The following FEZF1 variants were observed in gnomAD, a reference collection of about 807,000 sequenced individuals.
FEZF1 encodes the protein fez family zinc finger protein 1.
A neutral mutation model predicts 32.4 loss-of-function variants in FEZF1; 8 were observed. The ratio of observed to expected loss-of-function variants is 0.25; its 90% CI spans 0.15 to 0.45. The LOEUF is 0.45. FEZF1 is among the 20% of genes least tolerant of loss of function. The probability of loss-of-function intolerance (pLI) is 1.00; values close to 1 mark genes in which losing one functional copy is unlikely to be tolerated. For synonymous variants in FEZF1, 259 were observed against 265.2 expected (o/e 0.98, Z 0.23); for missense variants, 546 against 622.3 (o/e 0.88, Z 1.31).
At chr7:122,307,314 C>T (rs1052036343), upstream of FEZF1, 3 of 152,478 alleles carry the variant, frequency 2.0e-5, no homozygotes, top group African/African-American at 7.2e-5. Context: ...GAAAAATCCC[C>T]CTCCTGCTGC....
rs1388288290 is a variant in FEZF1 at position 122,302,493 on chromosome 7, G to A, written c.1070-138C>T. The A allele has an allele frequency of 7.6e-7, 1 of 1,323,258 alleles. No homozygotes were observed. Among genetic ancestry groups the A allele is most frequent in the African/African-American group, 1.5e-5 (1 of 66,928 alleles). 82.0% of individuals were successfully genotyped at this position (1,323,258 alleles called of 1,614,324 possible). ...CACAACAAGTGCAGGGCTACTATCTGTGCCTGCACTTGTCTCCCCAAGTTT... is the reference window on the plus strand; with the variant it reads ...CACAACAAGTGCAGGGCTACTATCTATGCCTGCACTTGTCTCCCCAAGTTT... On this transcript the variant is annotated intron_variant, in intron 3 of 3. Coordinates refer to ENST00000442488, the MANE Select transcript of FEZF1 (RefSeq NM_001024613.4). The surrounding 1 kb of genome is among the most constrained non-coding windows in gnomAD (Gnocchi z 4.4).
At chr7:122,303,428 C>A (rs1038735856) in intron 1 of FEZF1, 117 bp from the exon 2 acceptor site, 7 of 1,243,928 alleles carry the variant, frequency 5.6e-6, no homozygotes, top group Middle Eastern at 2.8e-4. Flanking sequence ...AAATAATTAC[C>A]CCCAAAATAC....
At position 122,302,135 on chromosome 7, in the gene FEZF1, G is replaced by A. The variant is rs759076501; in HGVS notation, c.1290C>T (p.Ala430=). ...TGCCTGGTTCGCCAGCTGGCGTGCG[G>A]GCCAGCCCCAGGCTGCTGTCGTGCA... ...RKLHDSSLGL[A]RTPAGEPGTE... is the part of the protein sequence containing the mutation. The change falls in exon 4 of 4, where the codon GCC becomes GCT. Residue 430 remains alanine (A), a synonymous_variant. Transcript: ENST00000442488. The surrounding 1 kb of genome is among the most constrained non-coding windows in gnomAD (Gnocchi z 4.4). The A allele has an allele frequency of 1.2e-6, 2 of 1,613,986 alleles. No homozygotes were observed. Among genetic ancestry groups the A allele is most frequent in the African/African-American group, 1.3e-5 (1 of 74,932 alleles).
Position 122,302,061 on chromosome 7 carries a change from G to C in FEZF1, c.1364C>G (p.Pro455Arg), listed in dbSNP as rs763337621. ...LPQQPPMTLP[P>R]LQPPLPTPGP... ...CGGGGTTGGCAGCGGCGGCTGCAGA[G>C]GAGGCAGCGTCATCGGCGGCTGCTG... The change falls in exon 4 of 4, where the codon CCT becomes CGT. Residue 455 changes from proline to arginine, a missense_variant. Transcript: ENST00000442488. This position sits in a 1 kb window ranked among gnomAD's most constrained non-coding sequence, Gnocchi z 4.4. 1.2e-6 allele frequency: 2 copies of C among 1,606,646 alleles called. No homozygotes were observed. Among genetic ancestry groups the C allele is most frequent in the Admixed American group, 3.3e-5 (2 of 59,864 alleles).
In FEZF1 at chr7:122,304,102, AGCCGAGGGCACC is replaced by A; in HGVS notation, c.324_335del (p.Val109_Ala112del). 1 of 1,580,158 alleles carries A rather than the reference AGCCGAGGGCACC, an allele frequency of 6.3e-7. No individual in the cohort carries two copies. The highest frequency in any genetic ancestry group is 8.6e-7 in the Non-Finnish European group (1 of 1,163,082). ...GCAGGTCGCTGCAGCTGAATGCGGG[AGCCGAGGGCACC>A]GCCGCGGGCGCCGCCGGGGCCTCCA... On this transcript the variant is annotated inframe_deletion, in exon 1 of 4. Transcript: ENST00000442488.
chr7:122,308,289 C>G (rs2031338722), upstream of FEZF1, among the ~76,000 whole-genome samples: 1 of 152,106 alleles, frequency 6.6e-6, no homozygotes, highest in Non-Finnish European at 1.5e-5. Flanking sequence ...ATGAAATATC[C>G]TGAGGAAACC....
upstream of FEZF1, among the ~76,000 whole-genome samples, chr7:122,307,752 C>T (rs1019604125): frequency 6.6e-6 from 1 of 152,206 alleles, no homozygotes; most frequent in Non-Finnish European, 1.5e-5. Flanking sequence ...CAATTATGCT[C>T]TTCCTTTAAG....
chr7:122,305,924 T>A (rs909301193), upstream of FEZF1: 2 of 152,268 alleles, frequency 1.3e-5, no homozygotes, highest in African/African-American at 4.8e-5. Flanking sequence ...CCGAAACTCC[T>A]GGGGCGGCGC....
Position 122,304,514 on chromosome 7 carries a change from G to T in FEZF1, c.-77C>A. The T allele has an allele frequency of 7.8e-7, 1 of 1,279,382 alleles. No homozygotes were observed. Among genetic ancestry groups the T allele is most frequent in the Non-Finnish European group, 1.1e-6 (1 of 942,572 alleles). The allele number at this position is 1,279,382 out of a possible 1,614,324, so 79.3% of individuals were successfully genotyped here. ...CTTGTTCCCTGCTTGTCACAGACCT[G>T]CGGAGAGGGGGACGGGCACCATCAC... On this transcript the variant is annotated 5_prime_UTR_variant, in exon 1 of 4. Coordinates refer to ENST00000442488, the MANE Select transcript of FEZF1 (RefSeq NM_001024613.4).
chr7:122,304,368 T>G lies in FEZF1; in HGVS notation c.70A>C (p.Ser24Arg). Reference protein sequence around the residue: ...ATAPARGNMMSTSKPLAFSIE... With the variant: ...ATAPARGNMMRTSKPLAFSIE... ...GAGAAAGCCAAGGGTTTGGACGTGC[T>G]CATCATGTTGCCCCGAGCTGGAGCA... Residue 24 changes from serine to arginine, a missense_variant, in exon 1 of 4, where the codon AGC becomes CGC. Transcript: ENST00000442488. The G allele has an allele frequency of 5.6e-6, 9 of 1,604,652 alleles. No homozygotes were observed. Among genetic ancestry groups the G allele is most frequent in the Non-Finnish European group, 7.7e-6 (9 of 1,173,426 alleles).
At chr7:122,303,024 T>C (rs2031101487) in intron 2 of FEZF1, 93 bp from the exon 3 acceptor site, 2 of 1,531,238 alleles carry the variant, frequency 1.3e-6, no homozygotes, top group South Asian at 1.3e-5. Context: ...TTAAACACTT[T>C]CAAGCAGAAC....
At chr7:122,309,925 A>G (rs2031379149) in intron 1 of FEZF1, 1 of 152,220 alleles carries the variant, frequency 6.6e-6, no homozygotes, top group Non-Finnish European at 1.5e-5. Context: ...TGTGGCCAAA[A>G]TTAGAAACAA....
chr7:122,303,252 G>A lies in FEZF1; in HGVS notation c.861C>T (p.Pro287=). ...CTTTTCCGCACACTTTGCAAACGAA[G>A]GGTCTGGCTCCTGTGTGCACTGGCA... ...RHMPVHTGAR[P]FVCKVCGKGF... Residue 287 remains proline, a synonymous_variant, in exon 2 of 4, where the codon CCC becomes CCT. Transcript: ENST00000442488. 6.2e-7 allele frequency: 1 copy of A among 1,614,170 alleles called. No individual in the cohort carries two copies. Among genetic ancestry groups the A allele is most frequent in the South Asian group, 1.1e-5 (1 of 91,084 alleles).
intron 2 of FEZF1, 70 bp downstream of exon 2, chr7:122,303,107 G>T: frequency 6.2e-7 from 1 of 1,603,436 alleles, no homozygotes; most frequent in Non-Finnish European, 8.5e-7. Flanking sequence ...TAAAGAGTAA[G>T]GTTTTATCGG....
chr7:122,307,833 A>T (rs1013107015), upstream of FEZF1, among the ~76,000 whole-genome samples: 1 of 152,220 alleles, frequency 6.6e-6, no homozygotes, highest in Non-Finnish European at 1.5e-5. Flanking sequence ...ACATTTGTTA[A>T]TTTTTTCAAA....
chr7:122,309,159 A>G (rs1017501483), upstream of FEZF1, among the ~76,000 whole-genome samples: 4 of 152,180 alleles, frequency 2.6e-5, no homozygotes, highest in Non-Finnish European at 4.4e-5. Flanking sequence ...ACGTTAGCAA[A>G]CATATTGGCA....
At chr7:122,303,492 AGG>A in intron 1 of FEZF1, 143 bp downstream of exon 1, 1 of 446,188 alleles carries the variant, frequency 2.2e-6, no homozygotes, top group African/African-American at 3.0e-5. Context: ...GAAGGAAGGA[AGG>A]AAGGAAGGAA....
At position 122,301,821 on chromosome 7, in the gene FEZF1, T is replaced by C. The variant is rs1314177602; in HGVS notation, c.*176A>G. 2.6e-6 allele frequency: 2 copies of C among 763,364 alleles called. No homozygotes were observed. Among genetic ancestry groups the C allele is most frequent in the East Asian group, 2.7e-5 (1 of 37,444 alleles). The allele number at this position is 763,364 out of a possible 1,614,324, so 47.3% of individuals were successfully genotyped here. Reference sequence around the variant, plus strand: ...ATATAGAATATAATACACAAAACCATTTAGCAGGTGCATGCAAGAGGCGAA... The same window carrying C: ...ATATAGAATATAATACACAAAACCACTTAGCAGGTGCATGCAAGAGGCGAA... On this transcript the variant is annotated 3_prime_UTR_variant, in exon 4 of 4. Transcript: ENST00000442488.
chr7:122,309,154 A>G (rs985891621), upstream of FEZF1, among the ~76,000 whole-genome samples: 7 of 152,254 alleles, frequency 4.6e-5, no homozygotes, highest in African/African-American at 1.4e-4. Context: ...CCAACACGTT[A>G]GCAAACATAT....
Sources: gnomAD v4.1 joint callset for allele counts (sites outside exome capture counted in the v4.1 genomes callset) on GRCh38, gnomAD v4.1.1 for gene constraint, Gnocchi (gnomAD v3.1) non-coding constraint, MANE v1.5 for transcripts, NCBI Gene and HGNC (gene_info 2026-07-23, HGNC 2026-07-21) for gene names.